The following ZNF429 variants were observed in gnomAD, a reference collection of about 807,000 sequenced individuals.
ZNF429 encodes the protein zinc finger protein 429.
In ZNF429, 53 loss-of-function variants were observed where a neutral mutation model predicts 56.8. That is an observed-to-expected ratio of 0.93 (90% CI 0.75 to 1.17). ZNF429 has a LOEUF of 1.17. ZNF429 is among the 50% of genes most tolerant of loss of function. The pLI is 0.00. For missense variants in ZNF429, 849 were observed against 788.4 expected, an observed-to-expected ratio of 1.08 and a Z score of -0.92; for synonymous variants, 278 against 264.7, an observed-to-expected ratio of 1.05 and a Z score of -0.49.
chr19:21,530,525 C>T, intron 2 of ZNF429, 64 bp from the exon 3 acceptor site: 1 of 1,160,356 alleles, frequency 8.6e-7, no homozygotes, highest in Non-Finnish European at 1.2e-6. Context: ...TTACTGAGCA[C>T]ATTACTAAAT....
chr19:21,523,077 G>A lies in ZNF429; in HGVS notation c.4-6581G>A, dbSNP rs538745570. ...TGTCTTCAAACCTGAAACTGATTAA[G>A]AGACCATGGAGCCAAGAAACCAAAT... is the stretch of plus-strand genomic sequence containing the variant. On this transcript the variant is annotated intron_variant, in intron 1 of 3. Coordinates refer to ENST00000358491, the MANE Select transcript of ZNF429 (RefSeq NM_001001415.4). Among the ~76,000 whole-genome samples the A allele has an allele frequency of 2.6e-5, 4 of 152,186 alleles. No homozygotes were observed. The East Asian group carries it at 7.7e-4, about 29-fold the overall frequency.
rs1357500736 is a variant in ZNF429 at position 21,505,792 on chromosome 19, G to C, written c.3+18G>C. The stretch of plus-strand genomic sequence containing the variant: ...TAGAAATGGTGAGAGTGCCGAGTCT[G>C]ACATCCCCAGAGAGGGGGAGGGGCT... On this transcript the variant is annotated intron_variant, in intron 1 of 3. Coordinates refer to ENST00000358491, the MANE Select transcript of ZNF429 (RefSeq NM_001001415.4). 1.9e-6 allele frequency: 3 copies of C among 1,611,268 alleles called. No individual in the cohort carries two copies. In the African/African-American group the frequency reaches 4.0e-5, roughly 22 times the overall value.
chr19:21,515,563 G>A (rs1324327619), intron 1 of ZNF429, among the ~76,000 whole-genome samples: 6 of 151,360 alleles, frequency 4.0e-5, no homozygotes, highest in South Asian at 2.1e-4. Flanking sequence ...TTTTTTTTGT[G>A]TGTGGTGTTT....
chr19:21,526,395 T>G (rs980561407), intron 1 of ZNF429, among the ~76,000 whole-genome samples: 2 of 152,198 alleles, frequency 1.3e-5, no homozygotes, highest in African/African-American at 4.8e-5. Flanking sequence ...GTTTTCGTAG[T>G]TTAGCTCCCA....
chr19:21,510,378 A>G (rs1400532691), intron 1 of ZNF429, among the ~76,000 whole-genome samples: 1 of 152,152 alleles, frequency 6.6e-6, no homozygotes, highest in Non-Finnish European at 1.5e-5. Context: ...GAGGTCTGAT[A>G]TGGAAGTACA....
intron 1 of ZNF429, among the ~76,000 whole-genome samples, chr19:21,516,875 AT>A (rs2032767229): frequency 6.6e-6 from 1 of 152,238 alleles, no homozygotes; most frequent in African/African-American, 2.4e-5. Context: ...ATATAGAATC[AT>A]GTCATCTGCA....
chr19:21,537,195 C>G lies in ZNF429; in HGVS notation c.1142C>G (p.Ser381Cys). The change falls in exon 4 of 4, where the codon TCT (serine) becomes TGT (cysteine). Residue 381 changes from serine to cysteine, a missense_variant. Transcript: ENST00000358491. ...GAATGTGGCAAAGCTTTTAACCAGTCTTCAAGACTTACTCGACATAAAAAA... is the reference window on the plus strand; with the variant it reads ...GAATGTGGCAAAGCTTTTAACCAGTGTTCAAGACTTACTCGACATAAAAAA... ...CEECGKAFNQ[S>C]SRLTRHKKIH... 1 of 1,613,820 alleles carries G rather than the reference C, an allele frequency of 6.2e-7. No homozygotes were observed. The highest frequency in any genetic ancestry group is 2.2e-5 in the East Asian group (1 of 44,832).
chr19:21,529,140 A>T (rs1035258464), intron 1 of ZNF429: 4 of 152,244 alleles, frequency 2.6e-5, no homozygotes, highest in African/African-American at 9.6e-5. Flanking sequence ...TTGACAAAAT[A>T]TTCTTTTTGG....
rs769057116 is a variant in ZNF429 at position 21,536,961 on chromosome 19, A to G, written c.908A>G (p.His303Arg). 9 of 1,613,984 alleles carry G rather than the reference A, an allele frequency of 5.6e-6. No homozygotes were observed. The East Asian group carries it at 6.7e-5, about 12-fold the overall frequency. Reference sequence around the variant, plus strand: ...AGCATATCCTCAACCTTTACTAAACATAAGATAATTCATACTGAAGAGAAA... The same window carrying G: ...AGCATATCCTCAACCTTTACTAAACGTAAGATAATTCATACTGAAGAGAAA... ...TFSISSTFTK[H>R]KIIHTEEKPY... is the part of the protein sequence containing the mutation. Residue 303 changes from histidine to arginine, a missense_variant, in exon 4 of 4, where the codon CAT becomes CGT. Coordinates refer to ENST00000358491, the MANE Select transcript of ZNF429 (RefSeq NM_001001415.4).
chr19:21,516,375 C>G (rs1368572938), intron 1 of ZNF429, among the ~76,000 whole-genome samples: 2 of 152,138 alleles, frequency 1.3e-5, no homozygotes, highest in Admixed American at 6.6e-5. Flanking sequence ...GTGTGAGCCA[C>G]CATGCCCAGC....
Position 21,529,726 on chromosome 19 carries a change from A to G in ZNF429, c.72A>G (p.Ala24=), listed in dbSNP as rs757762743. 101 of 1,602,492 alleles carry G rather than the reference A, an allele frequency of 6.3e-5. No individual in the cohort carries two copies. The highest frequency in any genetic ancestry group is 8.3e-5 in the Non-Finnish European group (98 of 1,174,168). Reference sequence around the variant, plus strand: ...AGGAGTGGCAGTGCCTGGACACAGCACAACAGAACTTATATAGAAATGTGA... The same window carrying G: ...AGGAGTGGCAGTGCCTGGACACAGCGCAACAGAACTTATATAGAAATGTGA... ...SLEEWQCLDT[A]QQNLYRNVML... is the part of the protein sequence containing the mutation. Residue 24 remains alanine (A), a synonymous_variant, in exon 2 of 4, where the codon GCA becomes GCG. Transcript: ENST00000358491.
intron 3 of ZNF429, among the ~76,000 whole-genome samples, chr19:21,535,170 TAGTC>T: frequency 2.6e-5 from 4 of 151,640 alleles, no homozygotes; most frequent in Admixed American, 1.3e-4. Flanking sequence ...ATCATCCTAA[TAGTC>T]AGTAATCACT....
chr19:21,521,178 G>A (rs1018188522), intron 1 of ZNF429, among the ~76,000 whole-genome samples: 1 of 152,202 alleles, frequency 6.6e-6, no homozygotes, highest in Admixed American at 6.5e-5. Flanking sequence ...TTATATGTGA[G>A]CATGGTTTCA....
rs1315227196 is a variant in ZNF429, at chr19:21,505,604, G to T, written c.-168G>T. The T allele has an allele frequency of 3.5e-6, 2 of 574,070 alleles. No individual in the cohort carries two copies. Among genetic ancestry groups the T allele is most frequent in the East Asian group, 3.6e-5 (1 of 27,654 alleles). 35.6% of individuals were successfully genotyped at this position (574,070 alleles called of 1,614,324 possible). A position where few individuals can be genotyped will look rare whatever the true frequency, so the allele number is the denominator to read the frequency against. ...AGGCACGCAGCTGGAGCGACAGGAC[G>T]GTTTCCGGAATATGGCGGGGCGTTT... On this transcript the variant is annotated 5_prime_UTR_variant, in exon 1 of 4. Transcript: ENST00000358491.
chr19:21,529,972 T>C, intron 2 of ZNF429, among the ~76,000 whole-genome samples, 188 bp downstream of exon 2: 2 of 151,848 alleles, frequency 1.3e-5, no homozygotes, highest in Admixed American at 6.6e-5. Context: ...CCAAGGCGGG[T>C]GGATCACGAG....
At chr19:21,535,731 G>T in intron 3 of ZNF429, among the ~76,000 whole-genome samples, 1 of 151,732 alleles carries the variant, frequency 6.6e-6, no homozygotes, top group Non-Finnish European at 1.5e-5. Context: ...GGCCAGGCTG[G>T]TTTCGAACTC....
chr19:21,511,969 C>T (rs181366675), intron 1 of ZNF429, among the ~76,000 whole-genome samples: 13 of 152,146 alleles, frequency 8.5e-5, no homozygotes, highest in South Asian at 6.2e-4. Flanking sequence ...CGCAGGCACT[C>T]GGCAGGCTGA....
Position 21,537,776 on chromosome 19 carries a change from A to G in ZNF429, c.1723A>G (p.Thr575Ala), listed in dbSNP as rs2033767058. The G allele has an allele frequency of 1.9e-6, 3 of 1,613,886 alleles. No individual in the cohort carries two copies. The highest frequency in any genetic ancestry group is 2.5e-6 in the Non-Finnish European group (3 of 1,179,996). The change falls in exon 4 of 4, where the codon ACC becomes GCC. Residue 575 changes from threonine to alanine, a missense_variant. Thr to Ala is a moderately conservative substitution (Grantham distance 58). Transcript: ENST00000358491. The part of the protein sequence containing the change: ...YKCKQCDKAF[T>A]HSSNLSSHKK... ...ATGTAAACAATGTGACAAAGCTTTT[A>G]CCCACTCCTCAAACCTTAGTAGTCA...
intron 1 of ZNF429, among the ~76,000 whole-genome samples, chr19:21,516,009 G>A (rs140678950): frequency 1.3e-4 from 19 of 151,128 alleles, no homozygotes; most frequent in African/African-American, 4.6e-4. Context: ...TTTGAAGTGG[G>A]GTAAAGTGAT....
Sources: gnomAD v4.1 joint callset for allele counts (sites outside exome capture counted in the v4.1 genomes callset) on GRCh38, gnomAD v4.1.1 for gene constraint, MANE v1.5 for transcripts, NCBI Gene and HGNC (gene_info 2026-07-23, HGNC 2026-07-21) for gene names.